The following HECTD4 variants were observed in gnomAD, a reference collection of about 807,000 sequenced individuals.
HECTD4 encodes probable E3 ubiquitin-protein ligase HECTD4.
In HECTD4, 114 loss-of-function variants were observed where a neutral mutation model predicts 471.5. That is an observed-to-expected ratio of 0.24 (90% CI 0.21 to 0.28). HECTD4 has a LOEUF of 0.28. HECTD4 is among the 10% of genes least tolerant of loss of function. The probability of loss-of-function intolerance (pLI) is 1.00; values close to 1 mark genes in which losing one functional copy is unlikely to be tolerated. For synonymous variants in HECTD4, 2,012 were observed against 2,256.0 expected (o/e 0.89, Z 3.07); for missense variants, 3,866 against 5,651.5 (o/e 0.68, Z 10.13).
At chr12:112,301,798 CTG>C in intron 7 of HECTD4, 1 of 515,808 alleles carries the variant, frequency 1.9e-6, no homozygotes, top group Non-Finnish European at 3.3e-6. Context: ...CTTCAGCTAG[CTG>C]TTTTTTTTTT....
chr12:112,266,474 C>T (rs913728414), intron 14 of HECTD4, among the ~76,000 whole-genome samples: 23 of 152,264 alleles, frequency 1.5e-4, no homozygotes, highest in African/African-American at 5.5e-4. Flanking sequence ...AGCATATATG[C>T]AGATACATTC....
chr12:112,369,990 C>A (rs1471516204), intron 1 of HECTD4, among the ~76,000 whole-genome samples: 2 of 152,058 alleles, frequency 1.3e-5, no homozygotes, highest in African/African-American at 4.8e-5. Flanking sequence ...CCTTAGATGG[C>A]AAAAGGGACT....
At chr12:112,334,252 G>T (rs2135718396) in intron 1 of HECTD4, among the ~76,000 whole-genome samples, 1 of 147,326 alleles carries the variant, frequency 6.8e-6, no homozygotes, top group South Asian at 2.2e-4. Context: ...AATAAATAAA[G>T]TGGGAGAAAA....
At chr12:112,171,755 T>C (rs1480104023) in intron 67 of HECTD4, among the ~76,000 whole-genome samples, 2 of 152,166 alleles carry the variant, frequency 1.3e-5, no homozygotes, top group African/African-American at 4.8e-5. Flanking sequence ...CTTTACCTCC[T>C]TGGCACCCAG....
chr12:112,205,715 C>G (rs940765457), intron 52 of HECTD4, among the ~76,000 whole-genome samples: 1 of 151,800 alleles, frequency 6.6e-6, no homozygotes, highest in Non-Finnish European at 1.5e-5. Context: ...TTCAGCCTCT[C>G]AAGTAGTTGG....
intron 1 of HECTD4, among the ~76,000 whole-genome samples, chr12:112,364,344 T>C (rs1207904301): frequency 1.3e-5 from 2 of 151,640 alleles, no homozygotes; most frequent in Non-Finnish European, 2.9e-5. Flanking sequence ...GAGGCGGAGC[T>C]TGCAGTGAGC....
chr12:112,273,422 A>T (rs1367429492), intron 11 of HECTD4, among the ~76,000 whole-genome samples: 1 of 152,210 alleles, frequency 6.6e-6, no homozygotes, highest in African/African-American at 2.4e-5. Flanking sequence ...ATTTTCCTTT[A>T]AAAAAGTCTA....
intron 37 of HECTD4, 106 bp downstream of exon 37, chr12:112,234,971 T>C (rs1049414508): frequency 2.0e-6 from 2 of 990,800 alleles, no homozygotes; most frequent in Admixed American, 5.6e-5. Flanking sequence ...GAAAGGGGTG[T>C]AAAGAGGGCC....
chr12:112,205,327 G>A (rs1365874303), intron 52 of HECTD4, among the ~76,000 whole-genome samples: 4 of 151,972 alleles, frequency 2.6e-5, no homozygotes, highest in Admixed American at 6.5e-5. Context: ...CCAGCCACTC[G>A]GGAGGCTGAG....
chr12:112,241,433 T>C (rs1436051124), intron 32 of HECTD4, among the ~76,000 whole-genome samples: 1 of 152,180 alleles, frequency 6.6e-6, no homozygotes, highest in Non-Finnish European at 1.5e-5. Flanking sequence ...CATGAACCCA[T>C]CATGAACAGA....
chr12:112,328,796 C>T (rs1159747520), intron 1 of HECTD4, among the ~76,000 whole-genome samples: 1 of 152,202 alleles, frequency 6.6e-6, no homozygotes, highest in African/African-American at 2.4e-5. Flanking sequence ...TTAAACCTAA[C>T]TGAGAACGAG....
chr12:112,163,929 T>A lies in HECTD4; in HGVS notation c.12701+180A>T, dbSNP rs111277819. On this transcript the variant is annotated intron_variant, in intron 73 of 75. Transcript: ENST00000682272. The surrounding 1 kb of genome is among the most constrained non-coding windows in gnomAD (Gnocchi z 8.2). The stretch of plus-strand genomic sequence containing the variant: ...GCTGCTGTTTTCTTAGTAAACCCCT[T>A]CTGCTGAGGACCCTCTTTCTTGGCA... 0.025 allele frequency among the ~76,000 whole-genome samples: 3,775 copies of A among 152,214 alleles called. 78 individuals carry two copies. The highest frequency in any genetic ancestry group is 0.038 in the Non-Finnish European group (2,608 of 67,984).
intron 7 of HECTD4, among the ~76,000 whole-genome samples, chr12:112,293,657 G>A (rs965604368): frequency 1.3e-5 from 2 of 152,066 alleles, no homozygotes; most frequent in Non-Finnish European, 2.9e-5. Flanking sequence ...AAACAGAAAA[G>A]GAAAAACAAC....
chr12:112,259,923 G>C (rs1477248937), intron 18 of HECTD4, among the ~76,000 whole-genome samples: 2 of 152,020 alleles, frequency 1.3e-5, no homozygotes, highest in Non-Finnish European at 2.9e-5. Flanking sequence ...GCATGCAGAA[G>C]CAGGCAGATT....
intron 7 of HECTD4, among the ~76,000 whole-genome samples, chr12:112,297,127 A>T (rs997834560): frequency 6.6e-6 from 1 of 151,440 alleles, no homozygotes. Flanking sequence ...ATGTAGGTGC[A>T]GAGGGTGTAG....
At chr12:112,287,647 G>A (rs1219458001) in intron 7 of HECTD4, among the ~76,000 whole-genome samples, 3 of 152,050 alleles carry the variant, frequency 2.0e-5, no homozygotes, top group Non-Finnish European at 2.9e-5. Flanking sequence ...TATAGGCTGG[G>A]TGCAGTGGCT....
intron 19 of HECTD4, 143 bp from the exon 20 acceptor site, chr12:112,258,739 T>C: frequency 3.2e-6 from 2 of 628,486 alleles, no homozygotes; most frequent in Non-Finnish European, 5.3e-6. Context: ...CTGTGCTACT[T>C]AGACCACTTA....
chr12:112,356,225 C>T (rs564375329), intron 1 of HECTD4, among the ~76,000 whole-genome samples: 5 of 152,102 alleles, frequency 3.3e-5, no homozygotes, highest in Non-Finnish European at 7.4e-5. Context: ...TACAGTGATA[C>T]TCTAATCCAA....
rs1031079380 is a variant in HECTD4 at position 112,162,167 on chromosome 12, T to C, written c.*220A>G. 12 of 547,386 alleles carry C rather than the reference T, an allele frequency of 2.2e-5. No individual in the cohort carries two copies. The highest frequency in any genetic ancestry group is 3.8e-5 in the African/African-American group (2 of 52,902). The allele number at this position is 547,386 out of a possible 1,614,324, so 33.9% of individuals were successfully genotyped here. Reference sequence around the variant, plus strand: ...TCTGGGAACTAAACTATCCTACAAATAGACCACAAACAGGCAGCAAAAGAA... The same window carrying C: ...TCTGGGAACTAAACTATCCTACAAACAGACCACAAACAGGCAGCAAAAGAA... On this transcript the variant is annotated 3_prime_UTR_variant, in exon 76 of 76. Transcript: ENST00000682272. This position sits in a 1 kb window ranked among gnomAD's most constrained non-coding sequence, Gnocchi z 5.2.
Sources: gnomAD v4.1 joint callset for allele counts (sites outside exome capture counted in the v4.1 genomes callset) on GRCh38, gnomAD v4.1.1 for gene constraint, Gnocchi (gnomAD v3.1) non-coding constraint, MANE v1.5 for transcripts, NCBI Gene and HGNC (gene_info 2026-07-23, HGNC 2026-07-21) for gene names.